NAALADL2: variants seen among roughly 807,000 people sequenced by gnomAD.
NAALADL2 encodes inactive N-acetylated-alpha-linked acidic dipeptidase-like protein 2.
A neutral mutation model predicts 87.2 loss-of-function variants in NAALADL2; 76 were observed. That is an observed-to-expected ratio of 0.87 (90% confidence interval 0.72 to 1.05). The LOEUF (loss-of-function observed/expected upper bound fraction) is 1.05, where lower values mean the gene tolerates loss of function less well. NAALADL2 is among the 50% of genes least tolerant of loss of function. NAALADL2 has a pLI of 0.00. For missense variants in NAALADL2, 1,089 were observed against 945.8 expected, an observed-to-expected ratio of 1.15 and a Z score of -1.99; for synonymous variants, 354 against 331.0, an observed-to-expected ratio of 1.07 and a Z score of -0.75.
chr3:175,329,883 C>T (rs1014535336), intron 5 of NAALADL2, among the ~76,000 whole-genome samples: 2 of 152,078 alleles, frequency 1.3e-5, no homozygotes, highest in Non-Finnish European at 2.9e-5. Context: ...ATTTTGGCGA[C>T]GTAAGTTCTC....
intron 2 of NAALADL2, among the ~76,000 whole-genome samples, chr3:175,158,067 C>A (rs918659639): frequency 6.6e-6 from 1 of 152,032 alleles, no homozygotes; most frequent in Non-Finnish European, 1.5e-5. Flanking sequence ...TTACCTAAAT[C>A]TCTTATTTTT....
intron 1 of NAALADL2, among the ~76,000 whole-genome samples, chr3:174,887,222 A>G (rs1730269201): frequency 6.6e-6 from 1 of 152,168 alleles, no homozygotes; most frequent in African/African-American, 2.4e-5. Context: ...ACAGCACTGA[A>G]CACTAAAATT....
chr3:175,076,025 C>G (rs1003933998), intron 1 of NAALADL2, among the ~76,000 whole-genome samples: 1 of 151,924 alleles, frequency 6.6e-6, no homozygotes, highest in South Asian at 2.1e-4. Context: ...GCCAGGAGTT[C>G]AAGACCAGCC....
chr3:175,255,952 T>C (rs1749862856), intron 3 of NAALADL2, among the ~76,000 whole-genome samples: 1 of 152,248 alleles, frequency 6.6e-6, no homozygotes, highest in Admixed American at 6.5e-5. Context: ...CATGAGCAGC[T>C]GTTCAGGATG....
intron 3 of NAALADL2, among the ~76,000 whole-genome samples, chr3:174,742,625 CTATT>C: frequency 6.6e-6 from 1 of 151,680 alleles, no homozygotes; most frequent in South Asian, 2.1e-4. Context: ...CATAATTGCT[CTATT>C]TAAACAAAAT....
chr3:175,561,222 G>T (rs1356138444), intron 9 of NAALADL2, among the ~76,000 whole-genome samples: 1 of 152,032 alleles, frequency 6.6e-6, no homozygotes, highest in Non-Finnish European at 1.5e-5. Flanking sequence ...TATAAAATTG[G>T]ATAATATTTG....
chr3:175,035,586 G>A (rs996620272), intron 1 of NAALADL2, among the ~76,000 whole-genome samples: 1 of 152,042 alleles, frequency 6.6e-6, no homozygotes, highest in African/African-American at 2.4e-5. Flanking sequence ...AAGGACATGT[G>A]TGGTTGATGC....
chr3:174,893,312 C>T (rs900871658), intron 1 of NAALADL2, among the ~76,000 whole-genome samples: 25 of 131,394 alleles, frequency 1.9e-4, no homozygotes, highest in Admixed American at 6.0e-4. Flanking sequence ...GTACTTCAAC[C>T]CCCCCCCGCA....
intron 3 of NAALADL2, among the ~76,000 whole-genome samples, chr3:174,789,824 G>A (rs1021293637): frequency 5.0e-4 from 76 of 152,174 alleles, no homozygotes; most frequent in Admixed American, 4.8e-3. Flanking sequence ...ACTAAAGAGA[G>A]CATGTAAGTT....
At chr3:174,608,876 A>G (rs1719439762) in intron 2 of NAALADL2, among the ~76,000 whole-genome samples, 1 of 152,022 alleles carries the variant, frequency 6.6e-6, no homozygotes, top group African/African-American at 2.4e-5. Flanking sequence ...AGAATTCTAG[A>G]CCAATATCCT....
At chr3:175,617,509 T>G (rs1009321221) in intron 10 of NAALADL2, among the ~76,000 whole-genome samples, 2 of 152,142 alleles carry the variant, frequency 1.3e-5, no homozygotes, top group African/African-American at 4.8e-5. Flanking sequence ...GCTTGACACA[T>G]TTGTAGCAGT....
At chr3:175,290,899 G>C (rs181209240) in intron 4 of NAALADL2, among the ~76,000 whole-genome samples, 143 of 149,038 alleles carry the variant, frequency 9.6e-4, no homozygotes, top group Middle Eastern at 3.4e-3. Context: ...TAATGTGTGT[G>C]CGTGTTTTTT....
chr3:175,234,007 G>T lies in NAALADL2; in HGVS notation c.622G>T (p.Gly208Cys), dbSNP rs1261023702. 1.2e-6 allele frequency: 2 copies of T among 1,613,230 alleles called. No homozygotes were observed. The highest frequency in any genetic ancestry group is 2.2e-5 in the East Asian group (1 of 44,868). Reference sequence around the variant, plus strand: ...GATTAAGACTCAGTGGACCTCTTTGGGCCTAGAAGATGTACAGTTTGTAAA... The same window carrying T: ...GATTAAGACTCAGTGGACCTCTTTGTGCCTAGAAGATGTACAGTTTGTAAA... Reference protein sequence around the residue: ...KKIKTQWTSLGLEDVQFVNYS... With the variant: ...KKIKTQWTSLCLEDVQFVNYS... The change falls in exon 3 of 14, where the codon GGC becomes TGC. Residue 208 changes from glycine to cysteine, a missense_variant. Coordinates refer to ENST00000454872, the MANE Select transcript of NAALADL2 (RefSeq NM_207015.3).
At position 175,155,556 on chromosome 3, in the gene NAALADL2, G is replaced by A. The variant is rs576749805; in HGVS notation, c.545+58265G>A. Among the ~76,000 whole-genome samples the A allele has an allele frequency of 6.6e-5, 10 of 152,252 alleles. No homozygotes were observed. In the East Asian group the frequency reaches 1.9e-3, roughly 29 times the overall value. ...TAATTCATGGTACTTTAAGTGGATAGTGAGGTTTTCTTGTCTTTTTTTTCT... is the reference window on the plus strand; with the variant it reads ...TAATTCATGGTACTTTAAGTGGATAATGAGGTTTTCTTGTCTTTTTTTTCT... On this transcript the variant is annotated intron_variant, in intron 2 of 13. Coordinates refer to ENST00000454872, the MANE Select transcript of NAALADL2 (RefSeq NM_207015.3).
chr3:175,132,893 C>T lies in NAALADL2; in HGVS notation c.545+35602C>T, dbSNP rs1169943678. On this transcript the variant is annotated intron_variant, in intron 2 of 13. Coordinates refer to ENST00000454872, the MANE Select transcript of NAALADL2 (RefSeq NM_207015.3). ...GGGGCTCCTCACTTCTCAGATGGGG[C>T]GGCTGCCGGGCGGAGGGACTCCTCA... Among the ~76,000 whole-genome samples, 24 of 148,936 alleles carry T rather than the reference C, an allele frequency of 1.6e-4. No homozygotes were observed. The East Asian group carries it at 3.8e-3, about 23-fold the overall frequency.
intron 3 of NAALADL2, among the ~76,000 whole-genome samples, chr3:175,241,104 A>T (rs1257518912): frequency 2.6e-5 from 4 of 152,122 alleles, no homozygotes; most frequent in Non-Finnish European, 5.9e-5. Flanking sequence ...CATTTTTTTT[A>T]AATCTGCATA....
intron 2 of NAALADL2, among the ~76,000 whole-genome samples, chr3:175,181,641 T>A (rs1372052032): frequency 2.0e-5 from 3 of 149,486 alleles, no homozygotes; most frequent in Non-Finnish European, 4.4e-5. Context: ...AATGACAACA[T>A]ACCTTTCTTA....
chr3:175,009,336 T>C (rs1177650148), intron 1 of NAALADL2, among the ~76,000 whole-genome samples: 1 of 152,140 alleles, frequency 6.6e-6, no homozygotes, highest in Non-Finnish European at 1.5e-5. Context: ...TGTGAGACAA[T>C]TGCCCAAAGG....
chr3:175,295,608 GTCT>G (rs1161422040), intron 4 of NAALADL2, among the ~76,000 whole-genome samples: 1 of 151,788 alleles, frequency 6.6e-6, no homozygotes, highest in East Asian at 1.9e-4. Flanking sequence ...CCTGGCTCTA[GTCT>G]TCTTTCATTC....
Sources: gnomAD v4.1 joint callset for allele counts (sites outside exome capture counted in the v4.1 genomes callset) on GRCh38, gnomAD v4.1.1 for gene constraint, MANE v1.5 for transcripts, NCBI Gene and HGNC (gene_info 2026-07-23, HGNC 2026-07-21) for gene names.